Variants in MYL4 observed in about 807,000 individuals in gnomAD.
MYL4 encodes atrial myosin light chain 1.
In MYL4, 16 loss-of-function variants were observed where a neutral mutation model predicts 21.6. The ratio of observed to expected loss-of-function variants is 0.74; its 90% CI spans 0.50 to 1.12. MYL4 has a LOEUF of 1.12. Among genes scored for constraint, MYL4 ranks in the 50% most tolerant of loss-of-function variants. MYL4 has a pLI of 0.00. For synonymous variants in MYL4, 82 were observed against 95.7 expected, an observed-to-expected ratio of 0.86 and a Z score of 0.83; for missense variants, 249 against 252.9, an observed-to-expected ratio of 0.98 and a Z score of 0.11.
intron 6 of MYL4, 136 bp downstream of exon 6, chr17:47,223,193 A>G (rs2064869687): frequency 1.2e-6 from 1 of 824,894 alleles, no homozygotes; most frequent in Non-Finnish European, 1.9e-6. Flanking sequence ...AAGTGAGGAC[A>G]GCCCTGCTCA....
At position 47,221,736 on chromosome 17, in the gene MYL4, T is replaced by C. The variant is rs141766103; in HGVS notation, c.368T>C (p.Ile123Thr). 4 of 1,614,028 alleles carry C rather than the reference T, an allele frequency of 2.5e-6. No individual in the cohort carries two copies. In the African/African-American group the frequency reaches 5.3e-5, roughly 22 times the overall value. Residue 123 changes from isoleucine to threonine, a missense_variant, in exon 4 of 7, where the codon ATT becomes ACT. Ile to Thr is a moderately conservative substitution (Grantham distance 89). Transcript: ENST00000393450. Reference protein sequence around the residue: ...FETFLPILQHISRNKEQGTYE... With the variant: ...FETFLPILQHTSRNKEQGTYE... ...ACGTTCTTGCCCATCCTGCAGCACA[T>C]TTCCCGCAACAAGGAGCAGGGCACC...
At chr17:47,205,746 C>T (rs1332740091), upstream of MYL4, among the ~76,000 whole-genome samples, 2 of 152,180 alleles carry the variant, frequency 1.3e-5, no homozygotes, top group South Asian at 2.1e-4. Flanking sequence ...GAGTGTTCTC[C>T]GTCAGACAGG....
chr17:47,213,776 C>T, intron 1 of MYL4, 23 bp from the exon 2 acceptor site: 2 of 1,613,898 alleles, frequency 1.2e-6, no homozygotes, highest in Non-Finnish European at 1.7e-6. Context: ...TCCAAGCCCT[C>T]ACTACTATTT....
rs754959512 is a variant in MYL4, at chr17:47,209,666, G to T, written c.135+109G>T. The T allele has an allele frequency of 1.9e-6, 3 of 1,553,090 alleles. No individual in the cohort carries two copies. The South Asian group carries it at 3.4e-5, about 17-fold the overall frequency. On this transcript the variant is annotated intron_variant, in intron 1 of 6. Transcript: ENST00000393450. ...TGGGCTGGACTGGGATGAGGACTAGGGTGTCCATGCCCCAGATCGCAGTCC... is the reference window on the plus strand; with the variant it reads ...TGGGCTGGACTGGGATGAGGACTAGTGTGTCCATGCCCCAGATCGCAGTCC...
chr17:47,204,970 C>T (rs1020301674), upstream of MYL4, among the ~76,000 whole-genome samples: 3 of 152,200 alleles, frequency 2.0e-5, no homozygotes, highest in Non-Finnish European at 4.4e-5. Context: ...GCCAGGCTAG[C>T]TGTCAGCAGC....
chr17:47,215,523 G>T (rs2064807113), intron 2 of MYL4, among the ~76,000 whole-genome samples: 1 of 152,076 alleles, frequency 6.6e-6, no homozygotes. Context: ...TGTCATCTTG[G>T]TTATGGTGGA....
chr17:47,195,493 T>C (rs543293101), upstream of MYL4, among the ~76,000 whole-genome samples: 1 of 152,206 alleles, frequency 6.6e-6, no homozygotes, highest in South Asian at 2.1e-4. Flanking sequence ...CCTCCCAAAG[T>C]GTTGGAATTA....
the MYL4 span, among the ~76,000 whole-genome samples, chr17:47,194,759 A>G: frequency 6.6e-6 from 1 of 150,958 alleles, no homozygotes; most frequent in Non-Finnish European, 1.5e-5. Context: ...TTCCAATTAC[A>G]TAGAATTTTT....
At chr17:47,194,361 G>A in the MYL4 span, among the ~76,000 whole-genome samples, 2 of 152,176 alleles carry the variant, frequency 1.3e-5, no homozygotes, top group Non-Finnish European at 1.5e-5. Flanking sequence ...GCTTTCTCCT[G>A]GTACAAGGAG....
intron 3 of MYL4, 86 bp downstream of exon 3, chr17:47,220,139 T>A: frequency 6.9e-7 from 1 of 1,447,164 alleles, no homozygotes; most frequent in South Asian, 1.4e-5. Context: ...CTCTGCCATC[T>A]GCACTCTCTC....
chr17:47,216,920 C>T (rs918155404), intron 2 of MYL4, among the ~76,000 whole-genome samples: 1 of 152,134 alleles, frequency 6.6e-6, no homozygotes, highest in African/African-American at 2.4e-5. Context: ...TCTCAAACTC[C>T]CAACCTCAGG....
chr17:47,190,477 G>A, the MYL4 span, among the ~76,000 whole-genome samples: 1 of 152,166 alleles, frequency 6.6e-6, no homozygotes, highest in Non-Finnish European at 1.5e-5. Context: ...CTAGTCAGGA[G>A]CTCTCTAGGC....
At chr17:47,191,759 G>A in the MYL4 span, among the ~76,000 whole-genome samples, 2 of 152,276 alleles carry the variant, frequency 1.3e-5, no homozygotes, top group East Asian at 3.9e-4. Flanking sequence ...GTGAGCCACT[G>A]TGCCCAGCCT....
chr17:47,200,818 G>A (rs540995260), intron 1 of MYL4, among the ~76,000 whole-genome samples: 2 of 152,326 alleles, frequency 1.3e-5, no homozygotes, highest in Non-Finnish European at 2.9e-5. Context: ...TGATGAGGCT[G>A]AACATATAGC....
Position 47,209,437 on chromosome 17 carries a change from G to A in MYL4, c.15G>A (p.Lys5=), listed in dbSNP as rs773929956. The change falls in exon 1 of 7, where the codon AAG becomes AAA. Residue 5 remains lysine (K), a synonymous_variant. Transcript: ENST00000393450. ...AACAAGACAACATGGCTCCCAAGAAGCCTGAGCCTAAGAAGGAGGCAGCCA... is the reference window on the plus strand; with the variant it reads ...AACAAGACAACATGGCTCCCAAGAAACCTGAGCCTAAGAAGGAGGCAGCCA... The part of the protein sequence containing the change: MAPK[K]PEPKKEAAKP... 5.0e-6 allele frequency: 8 copies of A among 1,614,026 alleles called. No individual in the cohort carries two copies. Among genetic ancestry groups the A allele is most frequent in the Non-Finnish European group, 5.1e-6 (6 of 1,180,032 alleles).
At chr17:47,215,213 G>A (rs1222249108) in intron 2 of MYL4, among the ~76,000 whole-genome samples, 3 of 152,192 alleles carry the variant, frequency 2.0e-5, no homozygotes, top group African/African-American at 7.2e-5. Context: ...TAATTTCAAT[G>A]CATTTTAGTT....
At chr17:47,227,514 C>T (rs2064889859), downstream of MYL4, among the ~76,000 whole-genome samples, 1 of 152,070 alleles carries the variant, frequency 6.6e-6, no homozygotes, top group African/African-American at 2.4e-5. Flanking sequence ...CTGAATGTGC[C>T]TGTCCCTCCT....
At chr17:47,193,566 C>G in the MYL4 span, among the ~76,000 whole-genome samples, 2 of 152,140 alleles carry the variant, frequency 1.3e-5, no homozygotes, top group African/African-American at 4.8e-5. Context: ...CTGCGCCTGG[C>G]CTACTGCTCT....
chr17:47,211,411 G>T (rs1235840158), intron 1 of MYL4, among the ~76,000 whole-genome samples: 5 of 152,080 alleles, frequency 3.3e-5, no homozygotes, highest in Non-Finnish European at 5.9e-5. Flanking sequence ...TTATAAAAAA[G>T]ATTCGAAGAT....
Sources: allele counts gnomAD v4.1 joint callset (sites outside exome capture counted in the v4.1 genomes callset), GRCh38; gene constraint gnomAD v4.1.1; transcripts MANE v1.5; gene names NCBI Gene and HGNC (gene_info 2026-07-23, HGNC 2026-07-21).